Variants in USP24 observed in about 807,000 individuals in gnomAD.
USP24 encodes ubiquitin carboxyl-terminal hydrolase 24.
Under a neutral mutation model 361.6 loss-of-function variants are expected in USP24, and 97 were observed. The observed-to-expected ratio is 0.27, with a 90% confidence interval of 0.23 to 0.32. The LOEUF (loss-of-function observed/expected upper bound fraction) is 0.32. USP24 is among the 10% of genes least tolerant of loss of function. USP24 has a pLI of 1.00. For missense variants in USP24, 2,353 were observed against 3,165.6 expected (o/e 0.74, Z 6.16); for synonymous variants, 1,098 against 1,124.6 (o/e 0.98, Z 0.47).
In USP24 at chr1:55,095,323, C is replaced by T; in HGVS notation, c.6135G>A (p.Gln2045=). ...YMLFYQRVSD[Q]NSPVLPKKSR... ...TTTTCTTTGGTAATACTGGGGAGTTCTGATCAGACACCCTTTGGTAGAAAA... is the reference window on the plus strand; with the variant it reads ...TTTTCTTTGGTAATACTGGGGAGTTTTGATCAGACACCCTTTGGTAGAAAA... Residue 2045 remains glutamine, a synonymous_variant, in exon 51 of 68, where the codon CAG becomes CAA. Transcript: ENST00000294383. The T allele has an allele frequency of 6.2e-7, 1 of 1,613,592 alleles. No individual in the cohort carries two copies. The highest frequency in any genetic ancestry group is 8.5e-7 in the Non-Finnish European group (1 of 1,179,746).
intron 38 of USP24, among the ~76,000 whole-genome samples, chr1:55,111,446 A>AAT (rs1645950674): frequency 6.6e-6 from 1 of 152,100 alleles, no homozygotes. Context: ...GTATAAGCAC[A>AAT]ATAGCTTTAA....
chr1:55,186,011 C>G (rs984994521), intron 1 of USP24, among the ~76,000 whole-genome samples: 1 of 152,102 alleles, frequency 6.6e-6, no homozygotes, highest in African/African-American at 2.4e-5. Flanking sequence ...CAAGAAGAAA[C>G]AGAAAATCTG....
intron 49 of USP24, 63 bp from the exon 50 acceptor site, chr1:55,096,685 A>G (rs1202622820): frequency 9.0e-6 from 14 of 1,551,932 alleles, no homozygotes; most frequent in Non-Finnish European, 6.1e-6. Context: ...CATCCTTAGC[A>G]TTGATCTCAA....
intron 1 of USP24, among the ~76,000 whole-genome samples, chr1:55,185,838 G>A (rs1012790842): frequency 2.6e-5 from 4 of 152,038 alleles, no homozygotes; most frequent in African/African-American, 7.2e-5. Flanking sequence ...CAAAGTTCTG[G>A]GATCACAGGT....
chr1:55,214,649 C>T, intron 1 of USP24, 141 bp downstream of exon 1: 1 of 532,950 alleles, frequency 1.9e-6, no homozygotes, highest in African/African-American at 2.1e-5. Context: ...CCTGGGGCTT[C>T]TCTCTCTCTC....
intron 1 of USP24, among the ~76,000 whole-genome samples, chr1:55,203,065 A>C (rs779184638): frequency 7.2e-5 from 11 of 152,194 alleles, no homozygotes; most frequent in Non-Finnish European, 1.5e-4. Context: ...TGCCCAATTT[A>C]TACATTAAAC....
At chr1:55,079,793 T>TACTCTCACAGAGTACTCACACA (rs759346108) in intron 59 of USP24, 134 bp from the exon 60 acceptor site, 11 of 1,051,272 alleles carry the variant, frequency 1.0e-5, no homozygotes, top group Non-Finnish European at 1.4e-5. Flanking sequence ...ACTCACACAC[T>TACTCTCACAGAGTACTCACACA]GAGTACTCAC....
chr1:55,180,579 A>T (rs1469178677), intron 1 of USP24, among the ~76,000 whole-genome samples: 1 of 152,128 alleles, frequency 6.6e-6, no homozygotes, highest in African/African-American at 2.4e-5. Flanking sequence ...TCCCCACAGA[A>T]TCTACGGGCA....
chr1:55,083,511 T>C (rs1197979613), intron 57 of USP24, 147 bp from the exon 58 acceptor site: 19 of 844,388 alleles, frequency 2.3e-5, no homozygotes, highest in Non-Finnish European at 2.9e-5. Flanking sequence ...TAAAATCTAA[T>C]TAAAAAAACT....
At chr1:55,090,730 A>G (rs1645354954) in intron 54 of USP24, among the ~76,000 whole-genome samples, 1 of 152,242 alleles carries the variant, frequency 6.6e-6, no homozygotes, top group Non-Finnish European at 1.5e-5. Context: ...ATTTATTCAC[A>G]GAACAATGAC....
At chr1:55,171,819 T>G in intron 4 of USP24, 141 bp from the exon 5 acceptor site, 1 of 942,270 alleles carries the variant, frequency 1.1e-6, no homozygotes, top group Non-Finnish European at 1.6e-6. Context: ...GCATACGCCT[T>G]AGCTAGTGCA....
chr1:55,154,358 T>C lies in USP24; in HGVS notation c.1650+13A>G, dbSNP rs986502946. 25 of 1,553,036 alleles carry C rather than the reference T, an allele frequency of 1.6e-5. No individual in the cohort carries two copies. The highest frequency in any genetic ancestry group is 1.7e-4 in the Middle Eastern group (1 of 6,010). ...AGCATTTGTAGCTAGAAAAATCCAT[T>C]TGATTCTCCTGCCTTTCCAGAAGTG... On this transcript the variant is annotated intron_variant, in intron 14 of 67. Coordinates refer to ENST00000294383, the MANE Select transcript of USP24 (RefSeq NM_015306.3).
chr1:55,169,995 TAGTA>T (rs1273493026), intron 5 of USP24, among the ~76,000 whole-genome samples: 1 of 152,092 alleles, frequency 6.6e-6, no homozygotes, highest in Non-Finnish European at 1.5e-5. Context: ...AGATTTTGTT[TAGTA>T]AGTTAACATT....
intron 55 of USP24, 182 bp from the exon 56 acceptor site, chr1:55,086,220 A>T: frequency 1.6e-6 from 1 of 610,164 alleles, no homozygotes; most frequent in Admixed American, 2.9e-5. Flanking sequence ...TGCTAACTGT[A>T]ATGCCACATA....
chr1:55,095,523 A>G (rs896616463), intron 50 of USP24, 127 bp from the exon 51 acceptor site: 6 of 1,030,946 alleles, frequency 5.8e-6, no homozygotes, highest in Non-Finnish European at 5.5e-6. Flanking sequence ...AATGCAAAGT[A>G]TAAGTAAAAT....
At chr1:55,120,310 G>A (rs1240984082) in intron 38 of USP24, among the ~76,000 whole-genome samples, 1 of 152,064 alleles carries the variant, frequency 6.6e-6, no homozygotes, top group Non-Finnish European at 1.5e-5. Flanking sequence ...CACAGTGACC[G>A]GGCTCCAATA....
intron 16 of USP24, 131 bp from the exon 17 acceptor site, chr1:55,148,701 AT>A: frequency 1.6e-6 from 1 of 642,838 alleles, no homozygotes; most frequent in Non-Finnish European, 2.6e-6. Context: ...TATATTGACC[AT>A]TTAGAGCTTA....
chr1:55,156,493 G>GA (rs1448986921), intron 12 of USP24, among the ~76,000 whole-genome samples: 4 of 150,620 alleles, frequency 2.7e-5, no homozygotes, highest in Non-Finnish European at 5.9e-5. Flanking sequence ...CCAAAGTGAA[G>GA]AAAAAAAAAT....
At chr1:55,138,908 A>T in intron 25 of USP24, 36 bp downstream of exon 25, 1 of 1,599,636 alleles carries the variant, frequency 6.3e-7, no homozygotes, top group Non-Finnish European at 8.5e-7. Flanking sequence ...AGTCCAGCCT[A>T]AGCAACATAC....
Sources: allele counts gnomAD v4.1 joint callset (sites outside exome capture counted in the v4.1 genomes callset), GRCh38; gene constraint gnomAD v4.1.1; transcripts MANE v1.5; gene names NCBI Gene and HGNC (gene_info 2026-07-23, HGNC 2026-07-21).